The following CNTN5 variants were observed in gnomAD, a reference collection of about 807,000 sequenced individuals.
The protein encoded by CNTN5 is contactin 5.
In CNTN5, 77 loss-of-function variants were observed where a neutral mutation model predicts 129.1. That is an observed-to-expected ratio of 0.60 (90% CI 0.50 to 0.72). The LOEUF is 0.72. CNTN5 is among the 30% of genes least tolerant of loss of function. The probability of loss-of-function intolerance (pLI) is 0.00; values close to 1 mark genes in which losing one functional copy is unlikely to be tolerated. For missense variants in CNTN5, 1,478 were observed against 1,328.8 expected (o/e 1.11, Z -1.75); for synonymous variants, 509 against 465.6 (o/e 1.09, Z -1.20).
chr11:99,971,322 A>G (rs933310083), intron 8 of CNTN5, among the ~76,000 whole-genome samples: 1 of 152,094 alleles, frequency 6.6e-6, no homozygotes, highest in African/African-American at 2.4e-5. Flanking sequence ...GGGCAGGTGG[A>G]TCATGAGGTC....
At chr11:99,781,544 T>G (rs893002071) in intron 3 of CNTN5, among the ~76,000 whole-genome samples, 3 of 152,044 alleles carry the variant, frequency 2.0e-5, no homozygotes, top group African/African-American at 7.2e-5. Flanking sequence ...TGCCTTGTAT[T>G]TTAGTGAATA....
chr11:99,674,901 C>T (rs1953205961), intron 3 of CNTN5, among the ~76,000 whole-genome samples: 1 of 152,162 alleles, frequency 6.6e-6, no homozygotes, highest in Non-Finnish European at 1.5e-5. Context: ...TGAGCTTTCT[C>T]TTACCCTTCC....
rs575276532 is a variant in CNTN5 at position 100,183,536 on chromosome 11, TCTAGAAAAATGCAAA to T, written c.1581-7571_1581-7557del. ...ATGTATTATTCTGTTTATAGAAAAT[TCTAGAAAAATGCAAA>T]CTAGAAAAATGCAAACTAACTTATC... On this transcript the variant is annotated intron_variant, in intron 13 of 24. Coordinates refer to ENST00000524871, the MANE Select transcript of CNTN5 (RefSeq NM_014361.4). Among the ~76,000 whole-genome samples the T allele has an allele frequency of 4.1e-4, 62 of 152,212 alleles. 1 individual carries two copies. In the Middle Eastern group the frequency reaches 0.01, roughly 25 times the overall value.
chr11:99,480,953 C>A (rs1037048877), intron 2 of CNTN5, among the ~76,000 whole-genome samples: 5 of 152,088 alleles, frequency 3.3e-5, no homozygotes, highest in South Asian at 2.1e-4. Context: ...TCTAAGATAA[C>A]CACGAAATTC....
chr11:99,203,552 T>C (rs1017470353), intron 1 of CNTN5, among the ~76,000 whole-genome samples: 1 of 152,122 alleles, frequency 6.6e-6, no homozygotes, highest in African/African-American at 2.4e-5. Context: ...CAATATTAGC[T>C]GTAATTGCAG....
At chr11:99,719,502 A>G (rs929983170) in intron 3 of CNTN5, among the ~76,000 whole-genome samples, 2 of 152,126 alleles carry the variant, frequency 1.3e-5, no homozygotes, top group African/African-American at 2.4e-5. Flanking sequence ...ATGAAGATGA[A>G]GCAAGATTTT....
Position 100,174,712 on chromosome 11 carries a change from G to A in CNTN5, c.1581-16414G>A, listed in dbSNP as rs567879483. Among the ~76,000 whole-genome samples the A allele has an allele frequency of 1.8e-4, 28 of 152,086 alleles. No individual in the cohort carries two copies. In the East Asian group the frequency reaches 4.9e-3, roughly 26 times the overall value. ...TCTGATATCCAGCTGACAAAAAGGC[G>A]GCCCCCTTCTTATTCTTCCATTAGA... On this transcript the variant is annotated intron_variant, in intron 13 of 24. Coordinates refer to ENST00000524871, the MANE Select transcript of CNTN5 (RefSeq NM_014361.4).
intron 13 of CNTN5, among the ~76,000 whole-genome samples, chr11:100,086,591 G>A (rs2137964737): frequency 6.6e-6 from 1 of 150,638 alleles, no homozygotes; most frequent in South Asian, 2.1e-4. Context: ...ATAATAGAAA[G>A]CATAAAATAA....
chr11:100,284,086 C>A (rs1471305171), intron 18 of CNTN5, among the ~76,000 whole-genome samples: 3 of 152,222 alleles, frequency 2.0e-5, no homozygotes, highest in African/African-American at 7.2e-5. Flanking sequence ...CTCTCCCTCT[C>A]CCAAGCAAAC....
intron 2 of CNTN5, among the ~76,000 whole-genome samples, chr11:99,401,645 G>A (rs1941813222): frequency 2.0e-5 from 3 of 152,082 alleles, no homozygotes; most frequent in African/African-American, 2.4e-5. Flanking sequence ...GGTAGGTACT[G>A]CATTGAATCT....
intron 6 of CNTN5, among the ~76,000 whole-genome samples, chr11:99,892,922 A>G (rs1264541941): frequency 1.3e-5 from 2 of 152,176 alleles, no homozygotes; most frequent in Admixed American, 1.3e-4. Flanking sequence ...TTTGGGCAGT[A>G]TGGCCATTTT....
intron 3 of CNTN5, among the ~76,000 whole-genome samples, chr11:99,757,071 A>C (rs1944428168): frequency 6.6e-6 from 1 of 152,078 alleles, no homozygotes; most frequent in African/African-American, 2.4e-5. Flanking sequence ...AGATGAGTTA[A>C]AAAGTCTCAG....
At chr11:99,490,453 C>T (rs1945991886) in intron 2 of CNTN5, among the ~76,000 whole-genome samples, 1 of 152,182 alleles carries the variant, frequency 6.6e-6, no homozygotes, top group Non-Finnish European at 1.5e-5. Context: ...CAGTGTCTCA[C>T]AATTCACTTT....
At chr11:100,204,837 A>C (rs1948881336) in intron 15 of CNTN5, among the ~76,000 whole-genome samples, 1 of 152,074 alleles carries the variant, frequency 6.6e-6, no homozygotes, top group Admixed American at 6.6e-5. Context: ...TTTTATAAGC[A>C]TTGCATTATT....
Position 99,147,983 on chromosome 11 carries a change from A to G in CNTN5, c.-210+126713A>G, listed in dbSNP as rs1384700830. On this transcript the variant is annotated intron_variant, in intron 1 of 24. Coordinates refer to ENST00000524871, the MANE Select transcript of CNTN5 (RefSeq NM_014361.4). Reference sequence around the variant, plus strand: ...TATACAAGATAACACAGAATGGAATAACTTTCCAGCCATTCATGCCAATAA... The same window carrying G: ...TATACAAGATAACACAGAATGGAATGACTTTCCAGCCATTCATGCCAATAA... Among the ~76,000 whole-genome samples, 7 of 152,118 alleles carry G rather than the reference A, an allele frequency of 4.6e-5. No individual in the cohort carries two copies. The East Asian group carries it at 1.3e-3, about 29-fold the overall frequency.
In CNTN5 at chr11:99,745,913, G is replaced by A. The variant is rs79928929; in HGVS notation, c.56-73631G>A. Among the ~76,000 whole-genome samples, 123 of 152,274 alleles carry A rather than the reference G, an allele frequency of 8.1e-4. 1 individual carries two copies. The East Asian group carries it at 0.021, about 26-fold the overall frequency. On this transcript the variant is annotated intron_variant, in intron 3 of 24. Coordinates refer to ENST00000524871, the MANE Select transcript of CNTN5 (RefSeq NM_014361.4). Reference sequence around the variant, plus strand: ...GAAAGAATAGGGCTATACTCAGGTTGTAGAACTAGCCAAGAAGACCAGTGA... The same window carrying A: ...GAAAGAATAGGGCTATACTCAGGTTATAGAACTAGCCAAGAAGACCAGTGA...
intron 1 of CNTN5, among the ~76,000 whole-genome samples, chr11:99,219,320 T>C (rs1197086489): frequency 6.6e-6 from 1 of 151,772 alleles, no homozygotes; most frequent in African/African-American, 2.4e-5. Flanking sequence ...AGAGAAAAAG[T>C]AAAGATTGCT....
chr11:99,733,677 A>T (rs1014341188), intron 3 of CNTN5, among the ~76,000 whole-genome samples: 1 of 152,196 alleles, frequency 6.6e-6, no homozygotes, highest in Non-Finnish European at 1.5e-5. Flanking sequence ...GTGAGAATCA[A>T]ATCAGCCTGC....
At chr11:100,010,062 T>C (rs1940432813) in intron 9 of CNTN5, among the ~76,000 whole-genome samples, 1 of 152,154 alleles carries the variant, frequency 6.6e-6, no homozygotes, top group African/African-American at 2.4e-5. Context: ...TCAGGTACAA[T>C]ACTCTTGAAA....
Sources: gnomAD v4.1 joint callset for allele counts (sites outside exome capture counted in the v4.1 genomes callset) on GRCh38, gnomAD v4.1.1 for gene constraint, MANE v1.5 for transcripts, NCBI Gene and HGNC (gene_info 2026-07-23, HGNC 2026-07-21) for gene names.